Variants in CENPW observed in about 807,000 individuals in gnomAD.
CENPW encodes the protein centromere protein W, also known as cancer-up-regulated gene 2 protein.
Under a neutral mutation model 11.1 loss-of-function variants are expected in CENPW, and 3 were observed. The ratio of observed to expected loss-of-function variants is 0.27; its 90% CI spans 0.12 to 0.70. The LOEUF (loss-of-function observed/expected upper bound fraction) is 0.70. CENPW is among the 30% of genes least tolerant of loss of function. The pLI, the probability that CENPW is intolerant of heterozygous loss-of-function variation, is 0.77. For synonymous variants in CENPW, 38 were observed against 42.0 expected (o/e 0.91, Z 0.37); for missense variants, 100 against 105.6 (o/e 0.95, Z 0.23).
chr6:126,461,154 G>T, the CENPW span, among the ~76,000 whole-genome samples: 1 of 151,790 alleles, frequency 6.6e-6, no homozygotes, highest in African/African-American at 2.4e-5. Context: ...TTGTGGGAGG[G>T]ACCTGGTGGG....
chr6:126,383,211 A>G, the CENPW span, among the ~76,000 whole-genome samples: 80 of 152,322 alleles, frequency 5.3e-4, no homozygotes, highest in African/African-American at 1.8e-3. Flanking sequence ...GATTCTTTTC[A>G]GACAAGCAAA....
chr6:126,374,858 T>C, the CENPW span, among the ~76,000 whole-genome samples: 1 of 152,346 alleles, frequency 6.6e-6, no homozygotes, highest in East Asian at 1.9e-4. Context: ...TAAACTGTTC[T>C]AATTTTGAAA....
chr6:126,420,175 GTACA>G, the CENPW span, among the ~76,000 whole-genome samples: 6 of 152,246 alleles, frequency 3.9e-5, no homozygotes, highest in African/African-American at 1.2e-4. Flanking sequence ...TGGTCAGGTA[GTACA>G]GCACTCCAGG....
chr6:126,409,328 G>A, the CENPW span, among the ~76,000 whole-genome samples: 1 of 152,268 alleles, frequency 6.6e-6, no homozygotes, highest in East Asian at 1.9e-4. Flanking sequence ...GTTGAGACTT[G>A]TTTTATGATC....
the CENPW span, among the ~76,000 whole-genome samples, chr6:126,379,633 A>G: frequency 6.6e-6 from 1 of 152,204 alleles, no homozygotes; most frequent in Non-Finnish European, 1.5e-5. Context: ...TGCTAAAGTT[A>G]GTATTCTTGA....
At chr6:126,401,693 T>G in the CENPW span, among the ~76,000 whole-genome samples, 12 of 152,052 alleles carry the variant, frequency 7.9e-5, no homozygotes, top group Non-Finnish European at 2.9e-5. Context: ...GATTTGGGGT[T>G]GGGCATTTGG....
chr6:126,423,530 T>A, the CENPW span, among the ~76,000 whole-genome samples: 1 of 152,092 alleles, frequency 6.6e-6, no homozygotes, highest in Admixed American at 6.6e-5. Context: ...GAAAACCAGG[T>A]CAAAGTTACC....
At chr6:126,464,614 T>C in the CENPW span, among the ~76,000 whole-genome samples, 2 of 152,164 alleles carry the variant, frequency 1.3e-5, no homozygotes, top group Non-Finnish European at 1.5e-5. Flanking sequence ...CTCCAAGTTC[T>C]TGAACTTTTG....
the CENPW span, among the ~76,000 whole-genome samples, chr6:126,362,629 T>C: frequency 6.6e-6 from 1 of 152,224 alleles, no homozygotes; most frequent in Non-Finnish European, 1.5e-5. Flanking sequence ...CCCACCTTGA[T>C]TATATATAAC....
At chr6:126,419,218 T>C in the CENPW span, among the ~76,000 whole-genome samples, 1 of 152,170 alleles carries the variant, frequency 6.6e-6, no homozygotes, top group Non-Finnish European at 1.5e-5. Flanking sequence ...GAATATATTT[T>C]TAGTGCAGGA....
At chr6:126,386,937 T>C in the CENPW span, among the ~76,000 whole-genome samples, 2 of 152,126 alleles carry the variant, frequency 1.3e-5, no homozygotes, top group African/African-American at 4.8e-5. Context: ...TTTTGGAGTT[T>C]AGTCCATGTA....
At chr6:126,438,181 T>G in the CENPW span, among the ~76,000 whole-genome samples, 1 of 151,702 alleles carries the variant, frequency 6.6e-6, no homozygotes, top group East Asian at 1.9e-4. Context: ...ATTCTCTTTG[T>G]ATTTACTTTT....
At chr6:126,470,112 C>A in the CENPW span, among the ~76,000 whole-genome samples, 2 of 152,184 alleles carry the variant, frequency 1.3e-5, no homozygotes, top group Non-Finnish European at 2.9e-5. Flanking sequence ...AATGGAGGAA[C>A]TGTCTCAAGG....
intron 1 of CENPW, among the ~76,000 whole-genome samples, chr6:126,345,608 A>AT (rs781768505): frequency 6.6e-5 from 10 of 152,018 alleles, no homozygotes; most frequent in Admixed American, 1.3e-4. Context: ...ATTTTAAATA[A>AT]TTTTTTAAAA....
At chr6:126,403,524 G>C in the CENPW span, among the ~76,000 whole-genome samples, 73 of 152,206 alleles carry the variant, frequency 4.8e-4, no homozygotes, top group Middle Eastern at 0.01. Flanking sequence ...GCCCAATCCA[G>C]AGCAAGGCCA....
At chr6:126,414,825 A>G in the CENPW span, among the ~76,000 whole-genome samples, 49 of 151,992 alleles carry the variant, frequency 3.2e-4, 1 homozygote, top group South Asian at 9.6e-3. Flanking sequence ...GAAAATGAAA[A>G]GTTGGCTTTT....
chr6:126,446,798 A>G, the CENPW span, among the ~76,000 whole-genome samples: 3 of 151,184 alleles, frequency 2.0e-5, no homozygotes, highest in African/African-American at 4.8e-5. Context: ...TTTTTTCTCT[A>G]TGTATTCAAT....
At chr6:126,385,678 TAGTG>T in the CENPW span, among the ~76,000 whole-genome samples, 615 of 152,202 alleles carry the variant, frequency 4.0e-3, 3 homozygotes, top group South Asian at 7.9e-3. Context: ...GCTGTTCTGA[TAGTG>T]AGTGAGTTCT....
the CENPW span, among the ~76,000 whole-genome samples, chr6:126,374,411 C>G: frequency 6.6e-6 from 1 of 152,098 alleles, no homozygotes; most frequent in Non-Finnish European, 1.5e-5. Flanking sequence ...ATTTTCTGTT[C>G]TCATCAGATT....
Sources: gnomAD v4.1 joint callset for allele counts (sites outside exome capture counted in the v4.1 genomes callset) on GRCh38, gnomAD v4.1.1 for gene constraint, MANE v1.5 for transcripts, NCBI Gene and HGNC (gene_info 2026-07-23, HGNC 2026-07-21) for gene names.